PTPN3: variants seen among roughly 807,000 people sequenced by gnomAD.
PTPN3 encodes tyrosine-protein phosphatase non-receptor type 3.
In PTPN3, 96 loss-of-function variants were observed where a neutral mutation model predicts 132.7. The observed-to-expected ratio is 0.72, with a 90% CI of 0.61 to 0.86. The LOEUF (loss-of-function observed/expected upper bound fraction) is 0.86, where lower values mean the gene tolerates loss of function less well. PTPN3 is among the 40% of genes least tolerant of loss of function. PTPN3 has a pLI of 0.00. For missense variants in PTPN3, 1,125 were observed against 1,159.6 expected (o/e 0.97, Z 0.43); for synonymous variants, 398 against 429.0 (o/e 0.93, Z 0.89).
intron 19 of PTPN3, among the ~76,000 whole-genome samples, chr9:109,400,360 C>T (rs967756360): frequency 6.6e-6 from 1 of 152,138 alleles, no homozygotes; most frequent in Non-Finnish European, 1.5e-5. Flanking sequence ...AAGTATTTAT[C>T]TCATCTAACT....
chr9:109,391,492 G>C lies in PTPN3; in HGVS notation c.2023C>G (p.Arg675Gly). 6.2e-7 allele frequency: 1 copy of C among 1,613,588 alleles called. No homozygotes were observed. The highest frequency in any genetic ancestry group is 8.5e-7 in the Non-Finnish European group (1 of 1,179,642). Residue 675 changes from arginine (R) to glycine (G), a missense_variant, in exon 20 of 26, where the codon CGA becomes GGA. Transcript: ENST00000374541. ...TCACAAGGCAGCACATCTTTATATC[G>C]GTTTTTGTCCAAATTTTGAGGCAGC... Reference protein sequence around the residue: ...AKLPQNLDKNRYKDVLPYDTT... With the variant: ...AKLPQNLDKNGYKDVLPYDTT...
At chr9:109,428,909 G>A (rs1843470898) in intron 10 of PTPN3, 3 of 985,418 alleles carry the variant, frequency 3.0e-6, no homozygotes, top group African/African-American at 3.5e-5. Flanking sequence ...GGATTATGAT[G>A]TAGCTTTTAA....
chr9:109,467,685 T>TG (rs1846169208), intron 1 of PTPN3, among the ~76,000 whole-genome samples: 1 of 152,224 alleles, frequency 6.6e-6, no homozygotes, highest in Non-Finnish European at 1.5e-5. Context: ...GAAAGTCACA[T>TG]GGGCTGATGC....
intron 12 of PTPN3, among the ~76,000 whole-genome samples, chr9:109,425,888 C>T (rs1281729551): frequency 2.0e-5 from 3 of 151,668 alleles, no homozygotes; most frequent in African/African-American, 7.3e-5. Flanking sequence ...GTGGTGTGCT[C>T]CTGTAATCCT....
chr9:109,437,470 C>T (rs1052601694), intron 8 of PTPN3, among the ~76,000 whole-genome samples: 1 of 152,132 alleles, frequency 6.6e-6, no homozygotes, highest in African/African-American at 2.4e-5. Flanking sequence ...TTATGGCTTT[C>T]CCAAGAAGAG....
intron 6 of PTPN3, among the ~76,000 whole-genome samples, chr9:109,448,210 C>T (rs1003209988): frequency 6.6e-6 from 1 of 152,160 alleles, no homozygotes; most frequent in Non-Finnish European, 1.5e-5. Context: ...ACCCTCCTCT[C>T]CAGGGCTAAA....
At chr9:109,496,902 T>C (rs1319067047) in intron 1 of PTPN3, among the ~76,000 whole-genome samples, 3 of 152,192 alleles carry the variant, frequency 2.0e-5, no homozygotes, top group African/African-American at 7.2e-5. Flanking sequence ...AACCCTGATC[T>C]AAATAATCGC....
intron 5 of PTPN3, chr9:109,450,616 A>G: frequency 9.1e-6 from 9 of 985,182 alleles, no homozygotes; most frequent in Non-Finnish European, 1.1e-5. Context: ...CTTCCTAGGA[A>G]TCTTGAAGGA....
At chr9:109,409,767 G>T (rs1329987608) in intron 16 of PTPN3, among the ~76,000 whole-genome samples, 1 of 151,962 alleles carries the variant, frequency 6.6e-6, no homozygotes. Flanking sequence ...AGCTGCGATC[G>T]TGCCACTGCA....
the PTPN3 span, among the ~76,000 whole-genome samples, chr9:109,529,422 C>T: frequency 6.9e-6 from 1 of 145,134 alleles, no homozygotes; most frequent in East Asian, 1.9e-4. Flanking sequence ...AACCACTGTC[C>T]GAGAGAGTGC....
Position 109,379,361 on chromosome 9 carries a change from C to T in PTPN3, c.*195G>A. ...ATAGAAATACAGGCCTAAATGATGC[C>T]ATAATTGCATGCTTATCTACACCAG... On this transcript the variant is annotated 3_prime_UTR_variant, in exon 26 of 26. Coordinates refer to ENST00000374541, the MANE Select transcript of PTPN3 (RefSeq NM_002829.4). The T allele has an allele frequency of 1.7e-6, 1 of 584,244 alleles. No individual in the cohort carries two copies. The highest frequency in any genetic ancestry group is 2.1e-5 in the South Asian group (1 of 46,864). 36.2% of individuals were successfully genotyped at this position (584,244 alleles called of 1,614,324 possible).
intron 1 of PTPN3, among the ~76,000 whole-genome samples, chr9:109,495,113 C>T (rs1184773664): frequency 6.6e-6 from 1 of 152,198 alleles, no homozygotes; most frequent in Non-Finnish European, 1.5e-5. Context: ...AGTGTGGACA[C>T]TGACCTGGTC....
At chr9:109,433,477 A>G (rs1437536306) in intron 9 of PTPN3, among the ~76,000 whole-genome samples, 2 of 152,236 alleles carry the variant, frequency 1.3e-5, no homozygotes, top group Non-Finnish European at 2.9e-5. Context: ...AACAATCAGC[A>G]CTAAATCAGA....
Position 109,408,348 on chromosome 9 carries a change from C to T in PTPN3, c.1608G>A (p.Val536=), listed in dbSNP as rs1456853333. ...KGGVDQKMPL[V]VSRINPESPA... ...GTGACTCTGGGTTTATCCTTGATAC[C>T]ACAAGAGGCATCTTTTGATCCACTC... The change falls in exon 17 of 26, where the codon GTG becomes GTA. Residue 536 remains valine (V), a synonymous_variant. Coordinates refer to ENST00000374541, the MANE Select transcript of PTPN3 (RefSeq NM_002829.4). 6.3e-7 allele frequency: 1 copy of T among 1,583,208 alleles called. No homozygotes were observed. The highest frequency in any genetic ancestry group is 1.3e-5 in the African/African-American group (1 of 74,252).
At chr9:109,440,706 A>T (rs1844400896) in intron 7 of PTPN3, among the ~76,000 whole-genome samples, 2 of 152,220 alleles carry the variant, frequency 1.3e-5, no homozygotes, top group African/African-American at 4.8e-5. Flanking sequence ...CTGGATCCCA[A>T]TAAGGTTATC....
At position 109,410,996 on chromosome 9, in the gene PTPN3, C is replaced by T. The variant is rs140416107; in HGVS notation, c.1314-581G>A. ...CTATCGAATATAGTTTCTTCTGTATCGTGGAGCTGCACTGTCTAGTATGGT... is the reference window on the plus strand; with the variant it reads ...CTATCGAATATAGTTTCTTCTGTATTGTGGAGCTGCACTGTCTAGTATGGT... On this transcript the variant is annotated intron_variant, in intron 14 of 25. Transcript: ENST00000374541. Among the ~76,000 whole-genome samples the T allele has an allele frequency of 1.2e-3, 185 of 152,298 alleles. 1 individual carries two copies. Among genetic ancestry groups the T allele is most frequent in the African/African-American group, 4.1e-3 (172 of 41,566 alleles).
chr9:109,379,765 C>T (rs1307725220), intron 25 of PTPN3, 132 bp from the exon 26 acceptor site: 7 of 754,082 alleles, frequency 9.3e-6, no homozygotes, highest in Non-Finnish European at 1.6e-5. Flanking sequence ...AGGCCAGGTA[C>T]ACCTGTGAAG....
chr9:109,495,321 A>G (rs577729559), intron 1 of PTPN3, among the ~76,000 whole-genome samples: 137 of 152,314 alleles, frequency 9.0e-4, no homozygotes, highest in African/African-American at 3.0e-3. Flanking sequence ...CTCCTGGGAA[A>G]AGATGTAGGG....
At chr9:109,478,671 G>T (rs561859949) in intron 1 of PTPN3, among the ~76,000 whole-genome samples, 1 of 152,154 alleles carries the variant, frequency 6.6e-6, no homozygotes, top group African/African-American at 2.4e-5. Context: ...GATGATTTGC[G>T]CAAAATCGCC....
Sources: gnomAD v4.1 joint callset for allele counts (sites outside exome capture counted in the v4.1 genomes callset) on GRCh38, gnomAD v4.1.1 for gene constraint, MANE v1.5 for transcripts, NCBI Gene and HGNC (gene_info 2026-07-23, HGNC 2026-07-21) for gene names.